SUN3: variants seen among roughly 807,000 people sequenced by gnomAD.
The protein encoded by SUN3 is Sad1 and UNC84 domain containing 3.
Under a neutral mutation model 48.2 loss-of-function variants are expected in SUN3, and 36 were observed. The ratio of observed to expected loss-of-function variants is 0.75; its 90% CI spans 0.57 to 0.99. SUN3 has a LOEUF of 0.99. Ranked by LOEUF, SUN3 falls within the 50% of genes least tolerant of loss-of-function variation. SUN3 has a pLI of 0.00. For synonymous variants in SUN3, 148 were observed against 147.9 expected, an observed-to-expected ratio of 1.00 and a Z score of 0.00; for missense variants, 419 against 433.1, an observed-to-expected ratio of 0.97 and a Z score of 0.29.
Position 48,007,247 on chromosome 7 carries a change from A to T in SUN3, c.410T>A (p.Leu137Gln). The T allele has an allele frequency of 6.2e-7, 1 of 1,614,122 alleles. No individual in the cohort carries two copies. The highest frequency in any genetic ancestry group is 8.5e-7 in the Non-Finnish European group (1 of 1,180,016). ...GTCCATACCATCCTTCATATCTCTTAGCAATGCCTTCAGGACATCTATTTG... is the reference window on the plus strand; with the variant it reads ...GTCCATACCATCCTTCATATCTCTTTGCAATGCCTTCAGGACATCTATTTG... ...IEQIDVLKAL[L>Q]RDMKDGMDNN... is the part of the protein sequence containing the mutation. Residue 137 changes from leucine to glutamine, a missense_variant, in exon 5 of 10, where the codon CTA (leucine) becomes CAA (glutamine). Transcript: ENST00000297325.
At chr7:48,017,573 G>A (rs978027931) in intron 2 of SUN3, among the ~76,000 whole-genome samples, 1 of 152,132 alleles carries the variant, frequency 6.6e-6, no homozygotes. Flanking sequence ...AAGATTGACA[G>A]AATCAATTTT....
At chr7:48,033,925 G>A (rs535200442), upstream of SUN3, among the ~76,000 whole-genome samples, 31 of 152,234 alleles carry the variant, frequency 2.0e-4, no homozygotes, top group African/African-American at 7.0e-4. Flanking sequence ...GTGGTAGCAC[G>A]TGCCTGTAAT....
At chr7:47,995,205 TG>T (rs1305723582) in intron 7 of SUN3, among the ~76,000 whole-genome samples, 1 of 150,646 alleles carries the variant, frequency 6.6e-6, no homozygotes. Context: ...ATGATGGACA[TG>T]GGGGTGGTGA....
At chr7:48,027,469 T>C (rs2128785205) in intron 1 of SUN3, among the ~76,000 whole-genome samples, 1 of 152,342 alleles carries the variant, frequency 6.6e-6, no homozygotes, top group East Asian at 1.9e-4. Context: ...TTTTCACATC[T>C]AACCTTTTAA....
At chr7:47,995,941 T>G in intron 7 of SUN3, 90 bp downstream of exon 7, 1 of 760,382 alleles carries the variant, frequency 1.3e-6, no homozygotes, top group Non-Finnish European at 2.1e-6. Flanking sequence ...CACTCTTATA[T>G]TGCCTCCATT....
intron 8 of SUN3, chr7:47,989,105 G>T (rs780969392): frequency 2.6e-6 from 1 of 380,642 alleles, no homozygotes; most frequent in South Asian, 8.2e-5. Flanking sequence ...TGGACACACA[G>T]ACAGATAGAT....
chr7:48,001,527 T>TTG (rs1789369792), intron 6 of SUN3, among the ~76,000 whole-genome samples: 2 of 119,632 alleles, frequency 1.7e-5, no homozygotes, highest in South Asian at 6.3e-4. Context: ...TTTCTGTTTT[T>TTG]TTTGTTTTTT....
At position 48,016,168 on chromosome 7, in the gene SUN3, C is replaced by T. The variant is rs549134900; in HGVS notation, c.288+1094G>A. 2.6e-5 allele frequency among the ~76,000 whole-genome samples: 4 copies of T among 152,096 alleles called. No individual in the cohort carries two copies. In the East Asian group the frequency reaches 5.8e-4, roughly 22 times the overall value. ...GACTCAACCAGTTCTGCCAGCCCAC[C>T]CAGGAACAGAAGACAGCAAGAAAAC... On this transcript the variant is annotated intron_variant, in intron 3 of 9. Transcript: ENST00000297325.
upstream of SUN3, among the ~76,000 whole-genome samples, chr7:48,031,088 TA>T (rs1790250787): frequency 1.3e-5 from 2 of 152,236 alleles, no homozygotes; most frequent in Admixed American, 6.5e-5. Context: ...AATGACTTTT[TA>T]AATATGACAT....
chr7:48,015,932 G>T (rs1789799389), intron 3 of SUN3, among the ~76,000 whole-genome samples: 1 of 152,058 alleles, frequency 6.6e-6, no homozygotes, highest in East Asian at 1.9e-4. Flanking sequence ...TCTTGCTTGG[G>T]GACCAATCTG....
chr7:48,001,944 C>A (rs899265628), intron 6 of SUN3, among the ~76,000 whole-genome samples: 1 of 152,136 alleles, frequency 6.6e-6, no homozygotes, highest in Admixed American at 6.5e-5. Flanking sequence ...AATGGGTTTG[C>A]TGGTTCAAAT....
intron 3 of SUN3, among the ~76,000 whole-genome samples, chr7:48,009,872 G>A (rs1185615302): frequency 6.6e-6 from 1 of 152,090 alleles, no homozygotes; most frequent in Non-Finnish European, 1.5e-5. Flanking sequence ...ACCTGGAATG[G>A]GGGAATGGCC....
At chr7:48,012,816 T>A (rs879694512) in intron 3 of SUN3, among the ~76,000 whole-genome samples, 3 of 152,204 alleles carry the variant, frequency 2.0e-5, no homozygotes, top group Non-Finnish European at 4.4e-5. Context: ...TGGGGAGTGA[T>A]TAAGTCATGA....
intron 6 of SUN3, among the ~76,000 whole-genome samples, chr7:47,998,268 C>T (rs112238482): frequency 7.9e-5 from 12 of 152,068 alleles, no homozygotes; most frequent in South Asian, 2.1e-4. Context: ...GCATTCTAAT[C>T]GGTGTGTAAT....
upstream of SUN3, among the ~76,000 whole-genome samples, chr7:48,031,261 G>C (rs998667573): frequency 1.3e-5 from 2 of 152,194 alleles, no homozygotes; most frequent in Non-Finnish European, 2.9e-5. Flanking sequence ...CATACACATT[G>C]CCAACAGGCA....
chr7:47,989,895 G>A (rs1789003061), intron 8 of SUN3, among the ~76,000 whole-genome samples: 2 of 152,346 alleles, frequency 1.3e-5, no homozygotes, highest in African/African-American at 4.8e-5. Context: ...TCAAACAAAT[G>A]CTTGAAGGCA....
intron 6 of SUN3, among the ~76,000 whole-genome samples, chr7:48,005,762 C>T (rs118164692): frequency 0.01 from 1,588 of 151,904 alleles, 9 homozygotes; most frequent in Middle Eastern, 0.031. Context: ...TGAAGTTGCA[C>T]AGGCTTTTTT....
intron 1 of SUN3, among the ~76,000 whole-genome samples, chr7:48,028,269 G>C (rs1237627371): frequency 6.6e-6 from 1 of 151,816 alleles, no homozygotes; most frequent in Non-Finnish European, 1.5e-5. Flanking sequence ...TTTGTAAATA[G>C]GTTTAGGGTA....
rs562292083 is a variant in SUN3, at chr7:48,007,295, C to A, written c.362G>T (p.Arg121Leu). Residue 121 changes from arginine (R) to leucine (L), a missense_variant, in exon 5 of 10, where the codon CGT (arginine) becomes CTT (leucine). Coordinates refer to ENST00000297325, the MANE Select transcript of SUN3 (RefSeq NM_001030019.2). ...TTGTTCGATCAAAAATAGAATTTGACGAAAATTGTTTTCCAGATTCTGGCT... is the reference window on the plus strand; with the variant it reads ...TTGTTCGATCAAAAATAGAATTTGAAGAAAATTGTTTTCCAGATTCTGGCT... ...KESQNLENNF[R>L]QILFLIEQID... 1.9e-6 allele frequency: 3 copies of A among 1,613,856 alleles called. No individual in the cohort carries two copies. The South Asian group carries it at 3.3e-5, about 18-fold the overall frequency.
Sources: allele counts gnomAD v4.1 joint callset (sites outside exome capture counted in the v4.1 genomes callset), GRCh38; gene constraint gnomAD v4.1.1; transcripts MANE v1.5; gene names NCBI Gene and HGNC (gene_info 2026-07-23, HGNC 2026-07-21).